The following GLI3 variants were observed in gnomAD, a reference collection of about 807,000 sequenced individuals.
GLI3 encodes GLI family zinc finger 3.
In GLI3, 20 loss-of-function variants were observed where a neutral mutation model predicts 100.8. The ratio of observed to expected loss-of-function variants is 0.20; its 90% CI spans 0.14 to 0.29. The LOEUF is 0.29. GLI3 is among the 10% of genes least tolerant of loss of function. The probability of loss-of-function intolerance (pLI) is 1.00; values close to 1 mark genes in which losing one functional copy is unlikely to be tolerated. For synonymous variants in GLI3, 938 were observed against 860.5 expected, an observed-to-expected ratio of 1.09 and a Z score of -1.58; for missense variants, 2,040 against 2,128.5, an observed-to-expected ratio of 0.96 and a Z score of 0.82.
At chr7:42,010,600 C>T (rs1554312485) in intron 10 of GLI3, among the ~76,000 whole-genome samples, 1 of 152,140 alleles carries the variant, frequency 6.6e-6, no homozygotes, top group Non-Finnish European at 1.5e-5. Flanking sequence ...TGGCCATAAA[C>T]ATGTGGGAAA....
At chr7:42,193,448 G>C (rs1468929155) in intron 2 of GLI3, among the ~76,000 whole-genome samples, 1 of 151,584 alleles carries the variant, frequency 6.6e-6, no homozygotes, top group Non-Finnish European at 1.5e-5. Flanking sequence ...CTTTGATCTA[G>C]AGTTCCAAGA....
At chr7:42,045,607 C>G in intron 5 of GLI3, 77 bp from the exon 6 acceptor site, 1 of 1,319,376 alleles carries the variant, frequency 7.6e-7, no homozygotes, top group Non-Finnish European at 1.1e-6. Flanking sequence ...ATCTCAGAGT[C>G]CATTACACAA....
intron 2 of GLI3, among the ~76,000 whole-genome samples, chr7:42,183,531 T>G (rs1787659356): frequency 6.6e-6 from 1 of 152,166 alleles, no homozygotes; most frequent in Non-Finnish European, 1.5e-5. Flanking sequence ...GGACAGCAGA[T>G]AGGAAGGGGT....
intron 10 of GLI3, among the ~76,000 whole-genome samples, chr7:42,006,655 A>G (rs542830854): frequency 1.3e-5 from 2 of 152,246 alleles, no homozygotes; most frequent in Admixed American, 1.3e-4. Flanking sequence ...GGGGCTAGGG[A>G]CAGTAAGGTT....
chr7:42,199,345 T>C (rs1208058431), intron 2 of GLI3, among the ~76,000 whole-genome samples: 1 of 152,190 alleles, frequency 6.6e-6, no homozygotes, highest in Non-Finnish European at 1.5e-5. Flanking sequence ...GCAAGATATC[T>C]ATTTCTAATA....
chr7:42,214,982 A>C (rs956682625), intron 2 of GLI3, among the ~76,000 whole-genome samples: 2 of 152,226 alleles, frequency 1.3e-5, no homozygotes, highest in Non-Finnish European at 1.5e-5. Flanking sequence ...AAATAGAAGA[A>C]AGAAACTAAC....
chr7:42,218,031 T>G (rs1030935400), intron 2 of GLI3, among the ~76,000 whole-genome samples: 3 of 152,202 alleles, frequency 2.0e-5, no homozygotes, highest in Admixed American at 6.5e-5. Flanking sequence ...CTCACATGGC[T>G]AGTCCTTCGT....
At chr7:42,222,430 G>T (rs973333728) in intron 2 of GLI3, among the ~76,000 whole-genome samples, 2 of 152,176 alleles carry the variant, frequency 1.3e-5, no homozygotes, top group Admixed American at 6.5e-5. Flanking sequence ...GCAGGGACAG[G>T]AAGTGAAGGT....
intron 13 of GLI3, among the ~76,000 whole-genome samples, chr7:41,968,744 G>GAAAGAAAGAAGA (rs1787278989): frequency 7.9e-6 from 1 of 127,198 alleles, no homozygotes; most frequent in Non-Finnish European, 1.6e-5. Flanking sequence ...AAGAAAGAAA[G>GAAAGAAAGAAGA]AAAGAAAGAA....
chr7:42,258,153 G>A (rs368406667), intron 1 of GLI3, among the ~76,000 whole-genome samples: 99 of 152,288 alleles, frequency 6.5e-4, no homozygotes, highest in African/African-American at 2.3e-3. Context: ...GCTCCATGAG[G>A]TCACAGATGT....
intron 1 of GLI3, among the ~76,000 whole-genome samples, chr7:42,262,225 T>TTCCTTCCTTCCTTACTTCC (rs1789151410): frequency 8.4e-6 from 1 of 118,700 alleles, no homozygotes; most frequent in East Asian, 2.5e-4. Flanking sequence ...TCCTTCCTTC[T>TTCCTTCCTTCCTTACTTCC]TTCCTTCCTT....
At chr7:42,091,792 T>A (rs1785226201) in intron 3 of GLI3, among the ~76,000 whole-genome samples, 2 of 152,358 alleles carry the variant, frequency 1.3e-5, no homozygotes, top group South Asian at 4.1e-4. Context: ...CCTTAACGAT[T>A]CTTCCCGGAG....
Position 42,039,899 on chromosome 7 carries a change from G to A in GLI3, c.1028+139C>T. The A allele has an allele frequency of 4.2e-6, 3 of 711,036 alleles. No individual in the cohort carries two copies. The South Asian group carries it at 4.8e-5, about 11-fold the overall frequency. The allele number at this position is 711,036 out of a possible 1,614,324, so 44.0% of individuals were successfully genotyped here. ...TGCAATTCATTGTGATATTTGACCT[G>A]CCTCTTGGTATAGGCACAGCATCAT... is the stretch of plus-strand genomic sequence containing the variant. On this transcript the variant is annotated intron_variant, in intron 7 of 14. Coordinates refer to ENST00000395925, the MANE Select transcript of GLI3 (RefSeq NM_000168.6).
intron 2 of GLI3, among the ~76,000 whole-genome samples, chr7:42,213,281 T>A (rs1788306517): frequency 6.6e-6 from 1 of 152,378 alleles, no homozygotes; most frequent in Non-Finnish European, 1.5e-5. Context: ...TTGAATATAA[T>A]GCTGACCACT....
intron 3 of GLI3, among the ~76,000 whole-genome samples, chr7:42,143,248 C>A (rs117167716): frequency 2.0e-5 from 3 of 151,954 alleles, no homozygotes; most frequent in Non-Finnish European, 2.9e-5. Flanking sequence ...TTTCAAAGGG[C>A]GGAAAAAAAC....
At chr7:42,106,645 A>T (rs534850958) in intron 3 of GLI3, among the ~76,000 whole-genome samples, 1 of 152,364 alleles carries the variant, frequency 6.6e-6, no homozygotes, top group South Asian at 2.1e-4. Flanking sequence ...CAAAATGAGA[A>T]CAAGAAGGAT....
rs368359162 is a variant in GLI3, at chr7:42,236,678, C to A, written c.-43+293G>T. 1.2e-4 allele frequency among the ~76,000 whole-genome samples: 19 copies of A among 152,312 alleles called. 1 individual carries two copies. In the South Asian group the frequency reaches 3.9e-3, roughly 32 times the overall value. On this transcript the variant is annotated intron_variant, in intron 1 of 14. Transcript: ENST00000395925. ...GGATGGGGGCGGAGGCGAGGGGCGCCGCCACCACTGCGGCAAACTTCGTCC... is the reference window on the plus strand; with the variant it reads ...GGATGGGGGCGGAGGCGAGGGGCGCAGCCACCACTGCGGCAAACTTCGTCC...
intron 3 of GLI3, among the ~76,000 whole-genome samples, chr7:42,083,915 A>C (rs1370405743): frequency 1.3e-5 from 2 of 152,248 alleles, no homozygotes; most frequent in Admixed American, 6.5e-5. Flanking sequence ...GCAGTAGCTA[A>C]GCATTTGAAA....
intron 2 of GLI3, among the ~76,000 whole-genome samples, chr7:42,163,660 C>T (rs2128672278): frequency 6.6e-6 from 1 of 152,196 alleles, no homozygotes; most frequent in African/African-American, 2.4e-5. Flanking sequence ...GAACTCCTGG[C>T]CTCAGGTGAT....
Sources: allele counts gnomAD v4.1 joint callset (sites outside exome capture counted in the v4.1 genomes callset), GRCh38; gene constraint gnomAD v4.1.1; transcripts MANE v1.5; gene names NCBI Gene and HGNC (gene_info 2026-07-23, HGNC 2026-07-21).